C12orf42: variants seen among roughly 807,000 people sequenced by gnomAD.
C12orf42 encodes uncharacterized protein C12orf42.
C12orf42 carries 25 observed loss-of-function variants against 21.6 expected under a neutral mutation model. That is an observed-to-expected ratio of 1.16 (90% CI 0.84 to 1.62). The LOEUF (loss-of-function observed/expected upper bound fraction) is 1.62, where lower values mean the gene tolerates loss of function less well. Among genes scored for constraint, C12orf42 ranks in the 40% most tolerant of loss-of-function variants. C12orf42 has a pLI of 0.00. For missense variants in C12orf42, 483 were observed against 459.3 expected, an observed-to-expected ratio of 1.05 and a Z score of -0.47; for synonymous variants, 174 against 175.0, an observed-to-expected ratio of 0.99 and a Z score of 0.05.
the C12orf42 span, among the ~76,000 whole-genome samples, chr12:103,169,299 C>A: frequency 6.6e-6 from 1 of 151,858 alleles, no homozygotes; most frequent in Non-Finnish European, 1.5e-5. Context: ...CAGACACTGC[C>A]TCCTCAAGCT....
At chr12:103,128,963 G>A in the C12orf42 span, among the ~76,000 whole-genome samples, 2 of 152,140 alleles carry the variant, frequency 1.3e-5, no homozygotes, top group Non-Finnish European at 2.9e-5. Flanking sequence ...AGAACCTGAG[G>A]CATATGATAC....
chr12:103,433,638 C>G (rs1950432090), intron 2 of C12orf42, among the ~76,000 whole-genome samples: 1 of 152,102 alleles, frequency 6.6e-6, no homozygotes, highest in African/African-American at 2.4e-5. Context: ...AAGAAATGAC[C>G]TATTTTCTCT....
chr12:103,338,426 C>T (rs1388955849), intron 4 of C12orf42, among the ~76,000 whole-genome samples: 1 of 152,212 alleles, frequency 6.6e-6, no homozygotes, highest in African/African-American at 2.4e-5. Flanking sequence ...TCCTGCTGTG[C>T]TTATGCACTT....
chr12:103,560,210 C>G, the C12orf42 span, among the ~76,000 whole-genome samples: 1 of 152,158 alleles, frequency 6.6e-6, no homozygotes, highest in African/African-American at 2.4e-5. Context: ...TCCAAAGTGA[C>G]AAACAAATTA....
the C12orf42 span, among the ~76,000 whole-genome samples, chr12:103,160,426 C>T: frequency 6.6e-6 from 1 of 152,156 alleles, no homozygotes; most frequent in African/African-American, 2.4e-5. Context: ...TTTAGAATGA[C>T]TTTATGTCTT....
intron 4 of C12orf42, among the ~76,000 whole-genome samples, chr12:103,335,267 C>T (rs1005188484): frequency 6.6e-6 from 1 of 152,166 alleles, no homozygotes; most frequent in Non-Finnish European, 1.5e-5. Flanking sequence ...ACATTAGAGC[C>T]TGTGCTCAAG....
the C12orf42 span, among the ~76,000 whole-genome samples, chr12:103,107,364 AC>A: frequency 1.1e-4 from 16 of 151,994 alleles, no homozygotes; most frequent in Non-Finnish European, 2.4e-4. Context: ...ATTTGACCAA[AC>A]AAAAAGTCAC....
chr12:103,253,759 C>A (rs1288951796), intron 10 of C12orf42, among the ~76,000 whole-genome samples: 1 of 152,040 alleles, frequency 6.6e-6, no homozygotes. Flanking sequence ...CAGTCAAATT[C>A]TTGCCCCATG....
chr12:103,270,796 G>A (rs112614483), intron 5 of C12orf42, among the ~76,000 whole-genome samples: 2 of 125,984 alleles, frequency 1.6e-5, no homozygotes, highest in South Asian at 2.5e-4. Context: ...TGTTTTTAAT[G>A]ATCTAAAACA....
chr12:103,334,175 T>C (rs1000785730), intron 4 of C12orf42, among the ~76,000 whole-genome samples: 1 of 152,214 alleles, frequency 6.6e-6, no homozygotes, highest in Non-Finnish European at 1.5e-5. Flanking sequence ...CTTCCAACTT[T>C]GCTGCATCAG....
intron 2 of C12orf42, among the ~76,000 whole-genome samples, chr12:103,442,463 C>T (rs1159308301): frequency 6.6e-6 from 1 of 152,090 alleles, no homozygotes; most frequent in East Asian, 1.9e-4. Flanking sequence ...AGGAGGCTTC[C>T]CTTGCAAAGC....
At chr12:103,251,318 T>A (rs1304088016) in intron 10 of C12orf42, among the ~76,000 whole-genome samples, 1 of 152,146 alleles carries the variant, frequency 6.6e-6, no homozygotes, top group Non-Finnish European at 1.5e-5. Flanking sequence ...TCCGTTGACA[T>A]CTCTTCCTCA....
intron 10 of C12orf42, among the ~76,000 whole-genome samples, chr12:103,256,161 TATATATACAC>T: frequency 1.6e-5 from 2 of 126,212 alleles, no homozygotes; most frequent in South Asian, 2.6e-4. Context: ...TATACACACA[TATATATACAC>T]ATATATATAC....
At chr12:103,135,770 T>C in the C12orf42 span, among the ~76,000 whole-genome samples, 2 of 152,202 alleles carry the variant, frequency 1.3e-5, no homozygotes, top group Non-Finnish European at 2.9e-5. Flanking sequence ...AATAAATAAA[T>C]GTAATACCTG....
chr12:103,389,432 A>G (rs1288653630), intron 3 of C12orf42, among the ~76,000 whole-genome samples: 1 of 152,186 alleles, frequency 6.6e-6, no homozygotes, highest in Non-Finnish European at 1.5e-5. Flanking sequence ...GGAGGAATAA[A>G]TGAATCTTTT....
chr12:103,335,447 A>AT (rs59204481), intron 4 of C12orf42, among the ~76,000 whole-genome samples: 4,660 of 152,314 alleles, frequency 0.031, 209 homozygotes, highest in African/African-American at 0.11. Flanking sequence ...AGAGGGAAAG[A>AT]TTTTTGTGTG....
At chr12:103,265,799 C>CTGTTTTGTTT (rs3063704), downstream of C12orf42, among the ~76,000 whole-genome samples, 25,911 of 150,166 alleles carry the variant, frequency 0.17, 2,475 homozygotes, top group East Asian at 0.4. Context: ...ATTTCTTAGG[C>CTGTTTTGTTT]TGTTTTGTTT....
At chr12:103,061,548 T>A in the C12orf42 span, among the ~76,000 whole-genome samples, 4 of 152,190 alleles carry the variant, frequency 2.6e-5, no homozygotes, top group African/African-American at 9.6e-5. Context: ...TGATCATTTT[T>A]AAACTATTTA....
chr12:103,102,040 C>G, the C12orf42 span, among the ~76,000 whole-genome samples: 1 of 152,016 alleles, frequency 6.6e-6, no homozygotes, highest in Non-Finnish European at 1.5e-5. Context: ...CCTCTTTATT[C>G]TATTGGCCAA....
Sources: allele counts gnomAD v4.1 joint callset (sites outside exome capture counted in the v4.1 genomes callset), GRCh38; gene constraint gnomAD v4.1.1; transcripts MANE v1.5; gene names NCBI Gene and HGNC (gene_info 2026-07-23, HGNC 2026-07-21).